The following RCSD1 variants were observed in gnomAD, a reference collection of about 807,000 sequenced individuals.
RCSD1 encodes capZ-interacting protein.
In RCSD1, 26 loss-of-function variants were observed where a neutral mutation model predicts 42.5. The ratio of observed to expected loss-of-function variants is 0.61; its 90% CI spans 0.45 to 0.85. The LOEUF is 0.85. Ranked by LOEUF, RCSD1 falls within the 40% of genes least tolerant of loss-of-function variation. The pLI is 0.00. For synonymous variants in RCSD1, 220 were observed against 212.2 expected, an observed-to-expected ratio of 1.04 and a Z score of -0.32; for missense variants, 571 against 528.3, an observed-to-expected ratio of 1.08 and a Z score of -0.79.
chr1:167,701,245 T>C (rs983078928), intron 6 of RCSD1, among the ~76,000 whole-genome samples: 3 of 151,320 alleles, frequency 2.0e-5, no homozygotes, highest in African/African-American at 7.3e-5. Context: ...CTTAACCCAA[T>C]TGCCTAGTTT....
At chr1:167,695,916 T>C (rs1659488856) in intron 5 of RCSD1, among the ~76,000 whole-genome samples, 1 of 152,212 alleles carries the variant, frequency 6.6e-6, no homozygotes, top group African/African-American at 2.4e-5. Flanking sequence ...TCTGATAAGC[T>C]GAGAAGAGGC....
intron 1 of RCSD1, chr1:167,664,072 G>C (rs1249722451): frequency 6.6e-6 from 1 of 152,192 alleles, no homozygotes; most frequent in Non-Finnish European, 1.5e-5. Flanking sequence ...CCATCTCCTA[G>C]TATCCCCATG....
At chr1:167,688,724 A>T (rs1659301451) in intron 3 of RCSD1, among the ~76,000 whole-genome samples, 1 of 152,210 alleles carries the variant, frequency 6.6e-6, no homozygotes, top group Non-Finnish European at 1.5e-5. Flanking sequence ...AAACACAATC[A>T]TCTCACATTA....
chr1:167,697,956 A>T (rs952543893), intron 6 of RCSD1, 114 bp downstream of exon 6: 2 of 1,257,720 alleles, frequency 1.6e-6, no homozygotes, highest in African/African-American at 3.1e-5. Context: ...ATGCAGAAAC[A>T]AAGGTGCCAG....
In RCSD1 at chr1:167,707,451, C is replaced by T. The variant is rs903039046; in HGVS notation, c.*2755C>T. ...CTAGCTGATGAAAAACAGAACTATA[C>T]AGATCAATGAATCTCTCCCCCTTTT... On this transcript the variant is annotated 3_prime_UTR_variant, in exon 7 of 7. Coordinates refer to ENST00000367854, the MANE Select transcript of RCSD1 (RefSeq NM_052862.4). 1.8e-4 allele frequency among the ~76,000 whole-genome samples: 28 copies of T among 152,170 alleles called. No individual in the cohort carries two copies. The highest frequency in any genetic ancestry group is 3.3e-4 in the Admixed American group (5 of 15,280).
chr1:167,639,934 T>G (rs1180058212), intron 1 of RCSD1, among the ~76,000 whole-genome samples: 2 of 152,362 alleles, frequency 1.3e-5, no homozygotes, highest in African/African-American at 4.8e-5. Flanking sequence ...GGGGAGCCCC[T>G]TGGCCCCTGT....
intron 4 of RCSD1, among the ~76,000 whole-genome samples, chr1:167,690,799 T>C (rs1659357906): frequency 1.3e-5 from 2 of 152,200 alleles, no homozygotes; most frequent in Non-Finnish European, 2.9e-5. Flanking sequence ...CAGCCCTGCA[T>C]AGGGCTGGTG....
At chr1:167,636,127 G>C (rs1392912433) in intron 1 of RCSD1, among the ~76,000 whole-genome samples, 1 of 152,102 alleles carries the variant, frequency 6.6e-6, no homozygotes, top group African/African-American at 2.4e-5. Flanking sequence ...CCATCTCCTG[G>C]GAATTGTGGA....
intron 2 of RCSD1, 128 bp downstream of exon 2, chr1:167,684,129 T>C: frequency 1.4e-6 from 1 of 717,640 alleles, no homozygotes; most frequent in Non-Finnish European, 2.4e-6. Context: ...AGCCAGGGGC[T>C]GGAGGGGTTT....
chr1:167,708,574 T>G lies in RCSD1; in HGVS notation c.*3878T>G, dbSNP rs1659813812. On this transcript the variant is annotated 3_prime_UTR_variant, in exon 7 of 7. Coordinates refer to ENST00000367854, the MANE Select transcript of RCSD1 (RefSeq NM_052862.4). ...TCAGTCTCATTATTTTATGTAATAA[T>G]GTATTACTGTGCCCAGAGCTAACCT... is the stretch of plus-strand genomic sequence containing the variant. Among the ~76,000 whole-genome samples, 1 of 152,234 alleles carries G rather than the reference T, an allele frequency of 6.6e-6. No homozygotes were observed. Among genetic ancestry groups the G allele is most frequent in the Admixed American group, 6.5e-5 (1 of 15,288 alleles).
At chr1:167,674,323 G>A (rs1268325586) in intron 1 of RCSD1, among the ~76,000 whole-genome samples, 1 of 152,196 alleles carries the variant, frequency 6.6e-6, no homozygotes, top group African/African-American at 2.4e-5. Context: ...GCAGGGAAGG[G>A]CTGAGCCTGT....
chr1:167,674,413 A>T (rs1317287904), intron 1 of RCSD1, among the ~76,000 whole-genome samples: 1 of 152,110 alleles, frequency 6.6e-6, no homozygotes, highest in African/African-American at 2.4e-5. Context: ...GGCCCCTCCT[A>T]CCCACAATCC....
At chr1:167,692,227 G>T (rs1313414648) in intron 4 of RCSD1, among the ~76,000 whole-genome samples, 1 of 152,178 alleles carries the variant, frequency 6.6e-6, no homozygotes, top group African/African-American at 2.4e-5. Flanking sequence ...GAAATGCGTC[G>T]CCAGCTAGAT....
At chr1:167,652,458 C>T (rs1465437175) in intron 1 of RCSD1, among the ~76,000 whole-genome samples, 2 of 152,140 alleles carry the variant, frequency 1.3e-5, no homozygotes, top group Non-Finnish European at 2.9e-5. Context: ...GTATTTTCAG[C>T]CAGAGGCCTA....
intron 1 of RCSD1, among the ~76,000 whole-genome samples, chr1:167,674,132 A>G (rs1054705445): frequency 1.3e-5 from 2 of 152,242 alleles, no homozygotes; most frequent in African/African-American, 4.8e-5. Context: ...GGTGTTCAAT[A>G]AATATTAACT....
rs1659709227 is a variant in RCSD1, at chr1:167,704,347, TCTGATCCCTGGGTTAAAATC to T, written c.1219-312_1219-293del. Among the ~76,000 whole-genome samples the T allele has an allele frequency of 2.6e-5, 4 of 152,116 alleles. No individual in the cohort carries two copies. The South Asian group carries it at 8.3e-4, about 32-fold the overall frequency. ...TCACTTAGTACTGGACAACTCAAGC[TCTGATCCCTGGGTTAAAATC>T]CTGACTTCACCACTTACTAGCTGTG... On this transcript the variant is annotated intron_variant, in intron 6 of 6. Transcript: ENST00000367854.
At chr1:167,658,539 C>T (rs184657894) in intron 1 of RCSD1, among the ~76,000 whole-genome samples, 6 of 152,304 alleles carry the variant, frequency 3.9e-5, no homozygotes, top group Admixed American at 6.5e-5. Flanking sequence ...AATTCTCCTG[C>T]CTCAGCCTCC....
At chr1:167,649,533 G>T (rs796345678) in intron 1 of RCSD1, among the ~76,000 whole-genome samples, 5 of 152,142 alleles carry the variant, frequency 3.3e-5, no homozygotes, top group African/African-American at 9.6e-5. Flanking sequence ...CCAGAGTGAT[G>T]GGGGGGCAGA....
chr1:167,704,064 G>A (rs952836030), intron 6 of RCSD1, among the ~76,000 whole-genome samples: 4 of 152,190 alleles, frequency 2.6e-5, no homozygotes, highest in Admixed American at 6.5e-5. Flanking sequence ...TGATGGGGAC[G>A]AGGCTGGAGT....
Sources: allele counts gnomAD v4.1 joint callset (sites outside exome capture counted in the v4.1 genomes callset), GRCh38; gene constraint gnomAD v4.1.1; transcripts MANE v1.5; gene names NCBI Gene and HGNC (gene_info 2026-07-23, HGNC 2026-07-21).